Variants in EZH1 observed in about 807,000 individuals in gnomAD.
EZH1 encodes the protein enhancer of zeste 1 polycomb repressive complex 2 subunit.
EZH1 carries 33 observed loss-of-function variants against 100.5 expected under a neutral mutation model. That is an observed-to-expected ratio of 0.33 (90% CI 0.25 to 0.44). The LOEUF (loss-of-function observed/expected upper bound fraction) is 0.44, where lower values mean the gene tolerates loss of function less well. Ranked by LOEUF, EZH1 falls within the 20% of genes least tolerant of loss-of-function variation. The probability of loss-of-function intolerance (pLI) is 1.00; values close to 1 mark genes in which losing one functional copy is unlikely to be tolerated. For synonymous variants in EZH1, 272 were observed against 313.8 expected (o/e 0.87, Z 1.41); for missense variants, 475 against 928.4 (o/e 0.51, Z 6.35).
chr17:42,719,080 G>A (rs1182296567), intron 8 of EZH1, 25 bp downstream of exon 8: 4 of 1,569,536 alleles, frequency 2.5e-6, no homozygotes, highest in Non-Finnish European at 3.5e-6. Context: ...TCTGTATATG[G>A]CCTAAGTGGG....
intron 7 of EZH1, 33 bp from the exon 8 acceptor site, chr17:42,719,240 C>T (rs377195644): frequency 1.4e-5 from 21 of 1,493,994 alleles, no homozygotes; most frequent in Middle Eastern, 1.7e-4. Flanking sequence ...CTCCTGAGTG[C>T]GATTATCAGA....
rs2053647589 is a variant in EZH1 at position 42,718,526 on chromosome 17, G to A, written c.859C>T (p.Arg287Trp). Residue 287 changes from arginine to tryptophan, a missense_variant, in exon 9 of 21, where the codon CGG (arginine) becomes TGG (tryptophan). Physicochemically the swap from Arg to Trp is moderately radical, Grantham distance 101 (BLOSUM62 -3). Transcript: ENST00000428826. This position sits in a 1 kb window ranked among gnomAD's most constrained non-coding sequence, Gnocchi z 4.2. The part of the protein sequence containing the change: ...IDGPNAKSVQ[R>W]EQSLHSFHTL... The stretch of plus-strand genomic sequence containing the variant: ...TGGAAGGAGTGCAGAGATTGCTCCC[G>A]CTGCACAGACTTGGCATTGGGGCCA... 3 of 1,614,218 alleles carry A rather than the reference G, an allele frequency of 1.9e-6. No individual in the cohort carries two copies. The highest frequency in any genetic ancestry group is 2.2e-5 in the South Asian group (2 of 91,088).
rs542814339 is a variant in EZH1 at position 42,702,516 on chromosome 17, G to A, written c.*16C>T. ...CAGTGCCGCTACCATAAGTGCTGCC[G>A]TGGGGCCTGGGAGGGCTAAAGGACG... is the stretch of plus-strand genomic sequence containing the variant. On this transcript the variant is annotated 3_prime_UTR_variant, in exon 21 of 21. Coordinates refer to ENST00000428826, the MANE Select transcript of EZH1 (RefSeq NM_001991.5). The A allele has an allele frequency of 1.0e-5, 16 of 1,549,452 alleles. No homozygotes were observed. Among genetic ancestry groups the A allele is most frequent in the African/African-American group, 2.7e-5 (2 of 73,330 alleles).
chr17:42,717,009 A>G (rs1175599989), intron 10 of EZH1, among the ~76,000 whole-genome samples: 2 of 152,102 alleles, frequency 1.3e-5, no homozygotes, highest in African/African-American at 2.4e-5. Flanking sequence ...AAAAACATGG[A>G]GTAATTTTAA....
At chr17:42,704,400 G>A (rs938717808) in intron 18 of EZH1, among the ~76,000 whole-genome samples, 4 of 152,098 alleles carry the variant, frequency 2.6e-5, no homozygotes, top group Non-Finnish European at 5.9e-5. Flanking sequence ...TATTAGCCGG[G>A]CATGGTGGCA....
chr17:42,709,248 A>G, intron 13 of EZH1: 1 of 275,668 alleles, frequency 3.6e-6, no homozygotes, highest in Non-Finnish European at 6.9e-6. Context: ...GTCTTTGTGG[A>G]GGTGGAGATA....
At chr17:42,726,105 C>G (rs1344537976) in intron 4 of EZH1, among the ~76,000 whole-genome samples, 1 of 151,004 alleles carries the variant, frequency 6.6e-6, no homozygotes, top group Non-Finnish European at 1.5e-5. Context: ...TCTTGAACTC[C>G]TGACCTCAGG....
At chr17:42,744,269 C>T (rs895083451) in intron 1 of EZH1, among the ~76,000 whole-genome samples, 15 of 152,172 alleles carry the variant, frequency 9.9e-5, no homozygotes, top group African/African-American at 3.6e-4. Flanking sequence ...CAGGCATGTC[C>T]CAAATACAAC....
intron 3 of EZH1, among the ~76,000 whole-genome samples, 157 bp downstream of exon 3, chr17:42,728,668 C>T (rs527722381): frequency 2.0e-5 from 3 of 150,226 alleles, no homozygotes; most frequent in Non-Finnish European, 4.4e-5. Context: ...CGTGAACCTG[C>T]GAGGTGGAGC....
chr17:42,722,074 G>A (rs1450413358), intron 6 of EZH1, among the ~76,000 whole-genome samples: 7 of 150,506 alleles, frequency 4.7e-5, no homozygotes, highest in Non-Finnish European at 8.9e-5. Flanking sequence ...GCATGAACCC[G>A]GGAGGCGGAG....
Position 42,703,732 on chromosome 17 carries a change from G to A in EZH1, c.2098+8C>T. 1 of 1,611,160 alleles carries A rather than the reference G, an allele frequency of 6.2e-7. No individual in the cohort carries two copies. The highest frequency in any genetic ancestry group is 8.5e-7 in the Non-Finnish European group (1 of 1,177,376). ...CCCCACCCCACCTCCCAGGTTACTG[G>A]GACTCACCTTTGGCATAACAGTTGG... On this transcript the variant is annotated splice_region_variant and intron_variant, in intron 19 of 20. Transcript: ENST00000428826.
intron 10 of EZH1, chr17:42,714,544 T>C (rs1461914716): frequency 1.1e-5 from 3 of 284,398 alleles, no homozygotes; most frequent in Non-Finnish European, 2.1e-5. Flanking sequence ...GATCCGTGTG[T>C]GCTGAATGTA....
chr17:42,712,663 G>C (rs1423369267), intron 11 of EZH1, among the ~76,000 whole-genome samples, 178 bp from the exon 12 acceptor site: 1 of 152,168 alleles, frequency 6.6e-6, no homozygotes, highest in Non-Finnish European at 1.5e-5. Flanking sequence ...TGCATTTTGG[G>C]AGGCCGAGGT....
In EZH1 at chr17:42,718,691, C is replaced by G; in HGVS notation, c.768-74G>C. 1 of 1,520,364 alleles carries G rather than the reference C, an allele frequency of 6.6e-7. No homozygotes were observed. Among genetic ancestry groups the G allele is most frequent in the Non-Finnish European group, 9.0e-7 (1 of 1,107,624 alleles). 94.2% of individuals were successfully genotyped at this position (1,520,364 alleles called of 1,614,324 possible). On this transcript the variant is annotated intron_variant, in intron 8 of 20. Coordinates refer to ENST00000428826, the MANE Select transcript of EZH1 (RefSeq NM_001991.5). The surrounding 1 kb of genome is among the most constrained non-coding windows in gnomAD (Gnocchi z 4.2). ...TGAGGAAATACAGATTGGGTACTGA[C>G]AGTAGCTCACCTACGGTCTGCCAAG...
At chr17:42,739,602 C>T (rs2054136694) in intron 1 of EZH1, among the ~76,000 whole-genome samples, 1 of 151,828 alleles carries the variant, frequency 6.6e-6, no homozygotes, top group African/African-American at 2.4e-5. Flanking sequence ...TGGTGGATGC[C>T]TGTAATCCCA....
chr17:42,708,355 C>T (rs958606392), intron 14 of EZH1, among the ~76,000 whole-genome samples: 1 of 152,078 alleles, frequency 6.6e-6, no homozygotes, highest in Non-Finnish European at 1.5e-5. Flanking sequence ...AAATGGCACA[C>T]TAGAAAAGTC....
At chr17:42,732,222 G>A (rs1320505944) in intron 1 of EZH1, among the ~76,000 whole-genome samples, 2 of 152,206 alleles carry the variant, frequency 1.3e-5, no homozygotes, top group Non-Finnish European at 2.9e-5. Context: ...AACACTTTGG[G>A]AAGTCAAGGC....
At chr17:42,710,169 G>T (rs751560340) in intron 12 of EZH1, among the ~76,000 whole-genome samples, 1 of 152,130 alleles carries the variant, frequency 6.6e-6, no homozygotes, top group East Asian at 1.9e-4. Flanking sequence ...CAGTAATACC[G>T]CCCCTGGTCA....
rs571005108 is a variant in EZH1 at position 42,705,258 on chromosome 17, G to A, written c.1840-75C>T. ...GGGTGTGTGCTGGATGTGCACATGT[G>A]TGGTGGGGGTGGGGTGGAAAGAACC... On this transcript the variant is annotated intron_variant, in intron 16 of 20. Coordinates refer to ENST00000428826, the MANE Select transcript of EZH1 (RefSeq NM_001991.5). 6 of 722,930 alleles carry A rather than the reference G, an allele frequency of 8.3e-6. No individual in the cohort carries two copies. In the African/African-American group the frequency reaches 1.1e-4, roughly 13 times the overall value. 44.8% of individuals were successfully genotyped at this position (722,930 alleles called of 1,614,324 possible). A position where few individuals can be genotyped will look rare whatever the true frequency, so the allele number is the denominator to read the frequency against.
Sources: gnomAD v4.1 joint callset for allele counts (sites outside exome capture counted in the v4.1 genomes callset) on GRCh38, gnomAD v4.1.1 for gene constraint, Gnocchi (gnomAD v3.1) non-coding constraint, MANE v1.5 for transcripts, NCBI Gene and HGNC (gene_info 2026-07-23, HGNC 2026-07-21) for gene names.